The following ACOXL variants were observed in gnomAD, a reference collection of about 807,000 sequenced individuals.
The protein encoded by ACOXL is acyl-CoA oxidase like, also known as acyl-coenzyme A oxidase-like protein.
In ACOXL, 70 loss-of-function variants were observed where a neutral mutation model predicts 71.9. That is an observed-to-expected ratio of 0.97 (90% CI 0.80 to 1.19). The LOEUF (loss-of-function observed/expected upper bound fraction) is 1.19, where lower values mean the gene tolerates loss of function less well. Ranked by LOEUF, ACOXL falls within the 50% of genes most tolerant of loss-of-function variation. The pLI is 0.00. For missense variants in ACOXL, 703 were observed against 736.3 expected (o/e 0.95, Z 0.52); for synonymous variants, 253 against 281.6 (o/e 0.90, Z 1.02).
intron 12 of ACOXL, among the ~76,000 whole-genome samples, chr2:110,982,501 C>T (rs749931022): frequency 6.6e-5 from 10 of 152,116 alleles, no homozygotes; most frequent in South Asian, 6.3e-4. Flanking sequence ...AGATTCTCCC[C>T]GAAGACATCT....
At chr2:111,087,180 C>T (rs2068257480) in intron 16 of ACOXL, among the ~76,000 whole-genome samples, 1 of 152,148 alleles carries the variant, frequency 6.6e-6, no homozygotes, top group African/African-American at 2.4e-5. Flanking sequence ...AAAAACATTC[C>T]ATGCTCATGG....
intron 15 of ACOXL, among the ~76,000 whole-genome samples, chr2:111,042,717 A>C (rs374740808): frequency 1.3e-5 from 2 of 152,346 alleles, no homozygotes; most frequent in African/African-American, 4.8e-5. Flanking sequence ...GCTGGGCAGC[A>C]GTAGCTGGCC....
chr2:110,744,698 G>T (rs1677978476), intron 1 of ACOXL, among the ~76,000 whole-genome samples: 1 of 152,212 alleles, frequency 6.6e-6, no homozygotes, highest in Non-Finnish European at 1.5e-5. Context: ...ACAGGAGTTG[G>T]TTCAGAAACA....
At chr2:111,108,285 G>A (rs897884346) in intron 17 of ACOXL, among the ~76,000 whole-genome samples, 1 of 149,932 alleles carries the variant, frequency 6.7e-6, no homozygotes, top group Admixed American at 6.6e-5. Flanking sequence ...TCTCATGTTG[G>A]TTCCCCCCAA....
chr2:110,966,815 G>A (rs1322006435), intron 12 of ACOXL, among the ~76,000 whole-genome samples: 1 of 152,208 alleles, frequency 6.6e-6, no homozygotes, highest in African/African-American at 2.4e-5. Context: ...AGGGCCTAGA[G>A]GGAACAGAAC....
intron 12 of ACOXL, among the ~76,000 whole-genome samples, chr2:110,967,438 G>A (rs962222797): frequency 1.3e-5 from 2 of 152,206 alleles, no homozygotes; most frequent in African/African-American, 2.4e-5. Context: ...CAGAAGGAGA[G>A]AAGTGTGTTG....
At chr2:110,878,923 T>G (rs887079271) in intron 10 of ACOXL, among the ~76,000 whole-genome samples, 5 of 151,256 alleles carry the variant, frequency 3.3e-5, no homozygotes, top group Admixed American at 3.3e-4. Context: ...CCAGGCATGG[T>G]GGTGGGTGCC....
At chr2:111,024,964 C>G (rs76081849) in intron 14 of ACOXL, among the ~76,000 whole-genome samples, 4,476 of 151,420 alleles carry the variant, frequency 0.03, 253 homozygotes, top group African/African-American at 0.1. Flanking sequence ...AAATGTACAA[C>G]TAACCAGTTT....
At chr2:110,974,944 G>C (rs575572014) in intron 12 of ACOXL, among the ~76,000 whole-genome samples, 1 of 152,330 alleles carries the variant, frequency 6.6e-6, no homozygotes, top group South Asian at 2.1e-4. Flanking sequence ...GCCGAGATGT[G>C]GTTTGGGGTA....
At chr2:111,029,108 T>A (rs563797987) in intron 14 of ACOXL, among the ~76,000 whole-genome samples, 270 of 152,354 alleles carry the variant, frequency 1.8e-3, no homozygotes, top group South Asian at 3.5e-3. Context: ...GCAAATACAA[T>A]TAAGTGCTTA....
At chr2:110,921,584 G>T (rs896443772) in intron 11 of ACOXL, among the ~76,000 whole-genome samples, 2 of 151,812 alleles carry the variant, frequency 1.3e-5, no homozygotes, top group South Asian at 2.1e-4. Context: ...TAGTAGAGTT[G>T]GGGTTTCACC....
intron 16 of ACOXL, among the ~76,000 whole-genome samples, chr2:111,068,304 G>A (rs761082589): frequency 4.6e-5 from 7 of 152,192 alleles, no homozygotes; most frequent in African/African-American, 7.2e-5. Context: ...ACTGGAGCAC[G>A]GGGGCGTGAC....
At position 110,870,498 on chromosome 2, in the gene ACOXL, T is replaced by C. The variant is rs971319651; in HGVS notation, c.788+29093T>C. On this transcript the variant is annotated intron_variant, in intron 10 of 17. Transcript: ENST00000439055. ...CATTTATCTATGTTGTGACAAACCTTCTAGGTGGTTCTGGTGCAGGATAAA... is the reference window on the plus strand; with the variant it reads ...CATTTATCTATGTTGTGACAAACCTCCTAGGTGGTTCTGGTGCAGGATAAA... Among the ~76,000 whole-genome samples, 4 of 152,224 alleles carry C rather than the reference T, an allele frequency of 2.6e-5. No homozygotes were observed. In the South Asian group the frequency reaches 8.3e-4, roughly 32 times the overall value.
intron 10 of ACOXL, among the ~76,000 whole-genome samples, chr2:110,844,965 T>A (rs569718633): frequency 2.6e-5 from 4 of 152,278 alleles, no homozygotes; most frequent in South Asian, 4.1e-4. Flanking sequence ...AAAATCCTAT[T>A]TGCTTGTTTG....
chr2:110,743,741 A>C (rs187103166), intron 1 of ACOXL, among the ~76,000 whole-genome samples: 2 of 152,284 alleles, frequency 1.3e-5, no homozygotes, highest in Admixed American at 1.3e-4. Context: ...AATTTTTCCT[A>C]GCCCTTAGAA....
At chr2:111,011,931 A>G (rs980299294) in intron 14 of ACOXL, among the ~76,000 whole-genome samples, 1 of 151,788 alleles carries the variant, frequency 6.6e-6, no homozygotes, top group African/African-American at 2.4e-5. Flanking sequence ...GGATAAAGAA[A>G]GTCATTTTTT....
intron 15 of ACOXL, among the ~76,000 whole-genome samples, chr2:111,043,067 A>G (rs2065859026): frequency 6.6e-6 from 1 of 152,170 alleles, no homozygotes; most frequent in Non-Finnish European, 1.5e-5. Context: ...CTGCCAGAGA[A>G]GAGATGCATG....
chr2:110,865,232 A>G (rs1296412984), intron 10 of ACOXL, among the ~76,000 whole-genome samples: 3 of 152,210 alleles, frequency 2.0e-5, no homozygotes, highest in Non-Finnish European at 4.4e-5. Context: ...TGTTGAAGGA[A>G]GAGATGGACC....
chr2:110,999,733 T>A (rs1394311699), intron 14 of ACOXL, among the ~76,000 whole-genome samples: 2 of 152,222 alleles, frequency 1.3e-5, no homozygotes, highest in South Asian at 2.1e-4. Flanking sequence ...GAATGCCCTA[T>A]GGGAAGGCCC....
Sources: allele counts gnomAD v4.1 joint callset (sites outside exome capture counted in the v4.1 genomes callset), GRCh38; gene constraint gnomAD v4.1.1; transcripts MANE v1.5; gene names NCBI Gene and HGNC (gene_info 2026-07-23, HGNC 2026-07-21).